TSR1: variants seen among roughly 807,000 people sequenced by gnomAD.
TSR1 encodes the protein pre-rRNA-processing protein TSR1 homolog.
A neutral mutation model predicts 90.9 loss-of-function variants in TSR1; 81 were observed. That is an observed-to-expected ratio of 0.89 (90% confidence interval 0.74 to 1.07). The LOEUF (loss-of-function observed/expected upper bound fraction) is 1.07, where lower values mean the gene tolerates loss of function less well. Among genes scored for constraint, TSR1 ranks in the 50% least tolerant of loss-of-function variants. The probability of loss-of-function intolerance (pLI) is 0.00; values close to 1 mark genes in which losing one functional copy is unlikely to be tolerated. For missense variants in TSR1, 989 were observed against 987.3 expected (o/e 1.00, Z -0.02); for synonymous variants, 362 against 348.8 (o/e 1.04, Z -0.42).
Position 2,323,455 on chromosome 17 carries a change from C to A in TSR1, c.*741G>T. On this transcript the variant is annotated 3_prime_UTR_variant, in exon 15 of 15. Coordinates refer to ENST00000301364, the MANE Select transcript of TSR1 (RefSeq NM_018128.5). ...CCACGGGAACCTGACTAGGTAACTTCATGACATGGGAGGGTACCCTAGATG... is the reference window on the plus strand; with the variant it reads ...CCACGGGAACCTGACTAGGTAACTTAATGACATGGGAGGGTACCCTAGATG... 1 of 1,309,420 alleles carries A rather than the reference C, an allele frequency of 7.6e-7. No individual in the cohort carries two copies. The highest frequency in any genetic ancestry group is 1.1e-6 in the Non-Finnish European group (1 of 928,298). 81.1% of individuals were successfully genotyped at this position (1,309,420 alleles called of 1,614,324 possible). A position where few individuals can be genotyped will look rare whatever the true frequency, so the allele number is the denominator to read the frequency against.
At chr17:2,329,576 A>G in intron 10 of TSR1, 101 bp from the exon 11 acceptor site, 1 of 1,375,434 alleles carries the variant, frequency 7.3e-7, no homozygotes, top group Non-Finnish European at 1.0e-6. Context: ...GACTCATTCT[A>G]AGAACTGACA....
At chr17:2,324,999 G>A (rs1048765810) in intron 12 of TSR1, 170 bp from the exon 13 acceptor site, 49 of 702,818 alleles carry the variant, frequency 7.0e-5, no homozygotes, top group Non-Finnish European at 1.1e-4. Context: ...TTGTCAATAG[G>A]TTCTTGAAAA....
At chr17:2,333,457 C>A in intron 6 of TSR1, 100 bp downstream of exon 6, 1 of 1,438,262 alleles carries the variant, frequency 7.0e-7, no homozygotes, top group South Asian at 1.2e-5. Flanking sequence ...TCAACTATAC[C>A]CCCACCCCAC....
In TSR1 at chr17:2,324,224, G is replaced by A; in HGVS notation, c.2387C>T (p.Ser796Leu). The change falls in exon 15 of 15, where the codon TCA (serine) becomes TTA (leucine). Residue 796 changes from serine to leucine, a missense_variant. Coordinates refer to ENST00000301364, the MANE Select transcript of TSR1 (RefSeq NM_018128.5). ...PVPWLKSEIS[S>L]TVPQGGME is the part of the protein sequence containing the mutation. ...CTCCATGCCCCCTTGAGGCACTGTT[G>A]AAGAAATCTCACTTTTCAGCCAGGG... The A allele has an allele frequency of 6.5e-7, 1 of 1,527,806 alleles. No individual in the cohort carries two copies. The highest frequency in any genetic ancestry group is 2.3e-5 in the East Asian group (1 of 44,334). 94.6% of individuals were successfully genotyped at this position (1,527,806 alleles called of 1,614,324 possible).
At chr17:2,325,828 G>C (rs1336041339) in intron 11 of TSR1, among the ~76,000 whole-genome samples, 1 of 152,106 alleles carries the variant, frequency 6.6e-6, no homozygotes, top group Non-Finnish European at 1.5e-5. Flanking sequence ...GGCCAGGCTG[G>C]TCTCGAACTC....
intron 4 of TSR1, 68 bp downstream of exon 4, chr17:2,335,192 T>G: frequency 6.7e-7 from 1 of 1,497,832 alleles, no homozygotes; most frequent in Non-Finnish European, 9.1e-7. Flanking sequence ...TCAGTTGTAT[T>G]CCTGTATCAA....
chr17:2,326,802 T>C (rs2075578339), intron 11 of TSR1, among the ~76,000 whole-genome samples: 1 of 152,138 alleles, frequency 6.6e-6, no homozygotes, highest in South Asian at 2.1e-4. Context: ...CACACCTGGC[T>C]AATTAAAAAG....
At chr17:2,330,406 T>C (rs761228095) in intron 10 of TSR1, 109 bp downstream of exon 10, 12 of 909,726 alleles carry the variant, frequency 1.3e-5, no homozygotes, top group Non-Finnish European at 2.2e-5. Flanking sequence ...GGCAGACTTT[T>C]TGCATCCCAA....
Position 2,325,364 on chromosome 17 carries a change from CTG to C in TSR1, c.1958_1959del (p.Thr653SerfsTer56). 6.2e-7 allele frequency: 1 copy of C among 1,613,722 alleles called. No homozygotes were observed. Among genetic ancestry groups the C allele is most frequent in the South Asian group, 1.1e-5 (1 of 90,910 alleles). ...FLTADMALVA[T>X]VYAPITFPPA... is the part of the protein sequence containing the mutation. The stretch of plus-strand genomic sequence containing the variant: ...GGAGGAAAAGTGATTGGCGCATAGA[CTG>C]TCGCCACCAGGGCCATGTCAGCAGT... On this transcript the variant is annotated frameshift_variant, in exon 12 of 15. Coordinates refer to ENST00000301364, the MANE Select transcript of TSR1 (RefSeq NM_018128.5). LOFTEE classifies it high-confidence loss of function.
intron 11 of TSR1, among the ~76,000 whole-genome samples, chr17:2,327,012 G>A (rs895451525): frequency 5.3e-5 from 8 of 152,076 alleles, no homozygotes; most frequent in African/African-American, 1.9e-4. Context: ...GGCTGAGGCA[G>A]GAGAATCACT....
At position 2,333,643 on chromosome 17, in the gene TSR1, T is replaced by C. The variant is rs369920653; in HGVS notation, c.1055A>G (p.Gln352Arg). ...GATAACCTCTGCTTGCAAGGATTCC[T>C]GTCTACCAGGGTCTGCCTTCATTAG... Reference protein sequence around the residue: ...KVLMKADPGRQESLQAEVIPD... With the variant: ...KVLMKADPGRRESLQAEVIPD... The change falls in exon 6 of 15, where the codon CAG (glutamine) becomes CGG (arginine). Residue 352 changes from glutamine to arginine, a missense_variant. By Grantham distance (43) the Gln-to-Arg change is conservative. Coordinates refer to ENST00000301364, the MANE Select transcript of TSR1 (RefSeq NM_018128.5). 1.9e-6 allele frequency: 3 copies of C among 1,614,164 alleles called. No homozygotes were observed. Among genetic ancestry groups the C allele is most frequent in the Non-Finnish European group, 2.5e-6 (3 of 1,180,040 alleles).
intron 10 of TSR1, among the ~76,000 whole-genome samples, chr17:2,329,938 C>T (rs1263640640): frequency 6.6e-6 from 1 of 151,004 alleles, no homozygotes; most frequent in East Asian, 1.9e-4. Context: ...TTTTTTTTGA[C>T]ATAAGAGTTT....
Position 2,335,308 on chromosome 17 carries a change from C to T in TSR1, c.508G>A (p.Gly170Ser), listed in dbSNP as rs754429980. Reference sequence around the variant, plus strand: ...AAGAGGCAGGAAAGACAGTAATCACCGGTGCTGTCCCAGCCTTCTAGTGGA... The same window carrying T: ...AAGAGGCAGGAAAGACAGTAATCACTGGTGCTGTCCCAGCCTTCTAGTGGA... ...LDPLEGWDST[G>S]DYCLSCLFAQ... Residue 170 changes from glycine (G) to serine (S), a missense_variant, in exon 4 of 15, where the codon GGT becomes AGT. Transcript: ENST00000301364. 22 of 1,613,974 alleles carry T rather than the reference C, an allele frequency of 1.4e-5. No individual in the cohort carries two copies. Among genetic ancestry groups the T allele is most frequent in the Admixed American group, 1.0e-4 (6 of 59,992 alleles).
intron 12 of TSR1, 158 bp downstream of exon 12, chr17:2,325,146 T>C (rs758312181): frequency 5.1e-5 from 33 of 643,738 alleles, no homozygotes; most frequent in Non-Finnish European, 7.5e-5. Flanking sequence ...GGAGTTTTCA[T>C]TGTTCTATTA....
Position 2,333,473 on chromosome 17 carries a change from C to T in TSR1, c.1141+84G>A. The T allele has an allele frequency of 1.9e-6, 3 of 1,562,310 alleles. No homozygotes were observed. The South Asian group carries it at 3.4e-5, about 18-fold the overall frequency. ...CAACTATACCCCCACCCCACTCTAT[C>T]CTATAGGGCCCTCACTTGGAACAGC... On this transcript the variant is annotated intron_variant, in intron 6 of 14. Transcript: ENST00000301364.
At position 2,330,638 on chromosome 17, in the gene TSR1, A is replaced by T; in HGVS notation, c.1660-13T>A. 1 of 1,612,214 alleles carries T rather than the reference A, an allele frequency of 6.2e-7. No homozygotes were observed. The highest frequency in any genetic ancestry group is 1.1e-5 in the South Asian group (1 of 90,984). The stretch of plus-strand genomic sequence containing the variant: ...CATACCAGCCAACCTGCCACAAGAA[A>T]GCAGAAAGCAATCATGGAGTTACCT... On this transcript the variant is annotated splice_polypyrimidine_tract_variant and intron_variant, in intron 9 of 14. Coordinates refer to ENST00000301364, the MANE Select transcript of TSR1 (RefSeq NM_018128.5).
chr17:2,325,031 T>C, intron 12 of TSR1: 1 of 624,934 alleles, frequency 1.6e-6, no homozygotes, highest in Non-Finnish European at 2.7e-6. Context: ...AGAGAAATGA[T>C]GTATAACAAA....
At chr17:2,330,077 G>A (rs920579920) in intron 10 of TSR1, 9 of 307,802 alleles carry the variant, frequency 2.9e-5, no homozygotes, top group Non-Finnish European at 5.1e-5. Context: ...GTGCCACCAC[G>A]CCTGGCTAAT....
At position 2,331,060 on chromosome 17, in the gene TSR1, G is replaced by T; in HGVS notation, c.1546C>A (p.Pro516Thr). 1.2e-6 allele frequency: 2 copies of T among 1,609,204 alleles called. No homozygotes were observed. The highest frequency in any genetic ancestry group is 1.7e-6 in the Non-Finnish European group (2 of 1,178,762). Reference protein sequence around the residue: ...LKSFRTSPWDPKENLPQDYAR... With the variant: ...LKSFRTSPWDTKENLPQDYAR... ...TAATCTTGAGGAAGGTTTTCCTTAGGATCCCATGGAGATGTCCGGAAGCTC... is the reference window on the plus strand; with the variant it reads ...TAATCTTGAGGAAGGTTTTCCTTAGTATCCCATGGAGATGTCCGGAAGCTC... Residue 516 changes from proline to threonine, a missense_variant, in exon 9 of 15, where the codon CCT becomes ACT. By Grantham distance (38) the Pro-to-Thr change is conservative (BLOSUM62 -1). Transcript: ENST00000301364.
Sources: allele counts gnomAD v4.1 joint callset (sites outside exome capture counted in the v4.1 genomes callset), GRCh38; gene constraint gnomAD v4.1.1; transcripts MANE v1.5; gene names NCBI Gene and HGNC (gene_info 2026-07-23, HGNC 2026-07-21).